Variants in USP34 observed in about 807,000 individuals in gnomAD.
USP34 encodes ubiquitin specific peptidase 34.
USP34 carries 70 observed loss-of-function variants against 460.3 expected under a neutral mutation model. The ratio of observed to expected loss-of-function variants is 0.15; its 90% confidence interval spans 0.13 to 0.19. The LOEUF (loss-of-function observed/expected upper bound fraction) is 0.19. Ranked by LOEUF, USP34 falls within the 10% of genes least tolerant of loss-of-function variation. The pLI is 1.00. For synonymous variants in USP34, 1,647 were observed against 1,405.3 expected (o/e 1.17, Z -3.85); for missense variants, 3,985 against 4,236.2 (o/e 0.94, Z 1.65).
chr2:61,305,310 G>A (rs949214461), intron 27 of USP34, among the ~76,000 whole-genome samples: 5 of 151,156 alleles, frequency 3.3e-5, no homozygotes, highest in Non-Finnish European at 5.9e-5. Context: ...GCAACAGTGC[G>A]AGACTCAAGA....
At chr2:61,279,490 A>G (rs1245452776) in intron 39 of USP34, among the ~76,000 whole-genome samples, 1 of 151,982 alleles carries the variant, frequency 6.6e-6, no homozygotes, top group East Asian at 1.9e-4. Context: ...TTTGAGACGG[A>G]GTTTCACTCT....
At position 61,241,668 on chromosome 2, in the gene USP34, A is replaced by T; in HGVS notation, c.6682-13T>A. The T allele has an allele frequency of 6.4e-7, 1 of 1,560,604 alleles. No homozygotes were observed. Among genetic ancestry groups the T allele is most frequent in the Non-Finnish European group, 8.6e-7 (1 of 1,159,192 alleles). On this transcript the variant is annotated splice_polypyrimidine_tract_variant and intron_variant, in intron 52 of 79. Transcript: ENST00000398571. The stretch of plus-strand genomic sequence containing the variant: ...ATGCACTGTGTGTCTTTAAGAGGCA[A>T]GAAAAAAATTTATTTTCATTTTGAC...
intron 2 of USP34, among the ~76,000 whole-genome samples, chr2:61,409,908 C>T (rs964186524): frequency 2.6e-5 from 4 of 152,052 alleles, no homozygotes; most frequent in African/African-American, 4.8e-5. Flanking sequence ...GGAACACACA[C>T]GTACACAAAT....
intron 43 of USP34, among the ~76,000 whole-genome samples, chr2:61,262,722 T>G (rs78396797): frequency 6.6e-6 from 1 of 152,226 alleles, no homozygotes. Context: ...CTGAGCCGAA[T>G]AGTAATTCTG....
At chr2:61,430,108 G>A (rs1694624816) in intron 1 of USP34, among the ~76,000 whole-genome samples, 2 of 151,802 alleles carry the variant, frequency 1.3e-5, no homozygotes, top group Admixed American at 6.6e-5. Context: ...CCAGCTACTC[G>A]AGAGGCTGAG....
At chr2:61,394,739 A>G (rs1398572669) in intron 5 of USP34, 114 bp downstream of exon 5, 7 of 804,516 alleles carry the variant, frequency 8.7e-6, no homozygotes, top group African/African-American at 3.6e-5. Flanking sequence ...TCAAAATAAA[A>G]AAAAATTACA....
At chr2:61,449,405 A>G (rs1695206604) in intron 1 of USP34, among the ~76,000 whole-genome samples, 1 of 152,132 alleles carries the variant, frequency 6.6e-6, no homozygotes, top group African/African-American at 2.4e-5. Flanking sequence ...CAGATTCACT[A>G]CAATCTCTAC....
intron 2 of USP34, among the ~76,000 whole-genome samples, chr2:61,414,159 G>T (rs1002006471): frequency 6.6e-6 from 1 of 151,944 alleles, no homozygotes; most frequent in Non-Finnish European, 1.5e-5. Context: ...GGAGGCTGAG[G>T]CAGGAGAACT....
At chr2:61,304,095 G>C (rs888669005) in intron 27 of USP34, among the ~76,000 whole-genome samples, 3 of 151,768 alleles carry the variant, frequency 2.0e-5, no homozygotes, top group Non-Finnish European at 2.9e-5. Flanking sequence ...ACAGGGTTTC[G>C]TCATGTTGGC....
chr2:61,440,832 A>T (rs115327327), intron 1 of USP34, among the ~76,000 whole-genome samples: 40,332 of 144,956 alleles, frequency 0.28, 5,898 homozygotes, highest in Middle Eastern at 0.38. Flanking sequence ...TTTTTAATTT[A>T]AAAAAAAAAA....
intron 57 of USP34, among the ~76,000 whole-genome samples, chr2:61,232,874 T>C (rs1687953424): frequency 2.3e-5 from 3 of 129,206 alleles, no homozygotes; most frequent in South Asian, 3.2e-4. Context: ...CCCCCCCTTT[T>C]TTTTTTTTTT....
chr2:61,202,616 A>G (rs937865278), intron 75 of USP34, among the ~76,000 whole-genome samples: 3 of 152,034 alleles, frequency 2.0e-5, no homozygotes, highest in African/African-American at 7.2e-5. Context: ...TCTGTTTCTC[A>G]TCATCTCCGT....
At chr2:61,235,939 T>G (rs1383692743) in intron 56 of USP34, 29 bp from the exon 57 acceptor site, 4 of 1,605,610 alleles carry the variant, frequency 2.5e-6, no homozygotes, top group Non-Finnish European at 3.4e-6. Flanking sequence ...TCAAAGCATA[T>G]GAACTTCTGA....
chr2:61,363,707 T>C (rs148172938), intron 10 of USP34, among the ~76,000 whole-genome samples: 2 of 152,304 alleles, frequency 1.3e-5, no homozygotes, highest in Non-Finnish European at 2.9e-5. Context: ...CACATGACTG[T>C]ATATACAAAA....
intron 1 of USP34, among the ~76,000 whole-genome samples, chr2:61,467,555 C>T (rs1162280861): frequency 6.6e-6 from 1 of 150,532 alleles, no homozygotes; most frequent in Non-Finnish European, 1.5e-5. Context: ...GCTGGCTAAA[C>T]TGTTACAGGG....
intron 5 of USP34, among the ~76,000 whole-genome samples, chr2:61,385,223 T>G (rs1185975400): frequency 1.3e-5 from 2 of 152,082 alleles, no homozygotes; most frequent in Non-Finnish European, 2.9e-5. Context: ...AATAATCAAT[T>G]AAACAACATG....
chr2:61,416,938 AC>A, intron 2 of USP34: 1 of 1,202,934 alleles, frequency 8.3e-7, no homozygotes, highest in Non-Finnish European at 1.2e-6. Flanking sequence ...GACATACTTG[AC>A]CCCACAGCCA....
At chr2:61,416,831 G>A (rs904129833) in intron 2 of USP34, 16 of 372,444 alleles carry the variant, frequency 4.3e-5, no homozygotes, top group Non-Finnish European at 7.4e-5. Context: ...TGGGGGGGGG[G>A]ACAGGAAGTA....
chr2:61,232,436 AC>A lies in USP34; in HGVS notation c.7113+15del. The stretch of plus-strand genomic sequence containing the variant: ...TTCTTTTCCAAATAATTTTTTTCAA[AC>A]ATATTTTTCCTTACCTGTCTCACAA... On this transcript the variant is annotated intron_variant, in intron 58 of 79. Transcript: ENST00000398571. 1 of 1,587,364 alleles carries A rather than the reference AC, an allele frequency of 6.3e-7. No individual in the cohort carries two copies. The highest frequency in any genetic ancestry group is 1.1e-5 in the South Asian group (1 of 87,046).
Sources: gnomAD v4.1 joint callset for allele counts (sites outside exome capture counted in the v4.1 genomes callset) on GRCh38, gnomAD v4.1.1 for gene constraint, MANE v1.5 for transcripts, NCBI Gene and HGNC (gene_info 2026-07-23, HGNC 2026-07-21) for gene names.